The following TPRG1 variants were observed in gnomAD, a reference collection of about 807,000 sequenced individuals.
TPRG1 encodes tumor protein p63 regulated 1, also known as tumor protein p63-regulated gene 1 protein.
Under a neutral mutation model 29.3 loss-of-function variants are expected in TPRG1, and 29 were observed. That is an observed-to-expected ratio of 0.99 (90% CI 0.74 to 1.35). TPRG1 has a LOEUF of 1.35. Ranked by LOEUF, TPRG1 falls within the 40% of genes most tolerant of loss-of-function variation. TPRG1 has a pLI of 0.00. For missense variants in TPRG1, 327 were observed against 335.0 expected, an observed-to-expected ratio of 0.98 and a Z score of 0.19; for synonymous variants, 130 against 116.8, an observed-to-expected ratio of 1.11 and a Z score of -0.73.
chr3:189,018,060 C>G (rs1313874899), intron 3 of TPRG1, among the ~76,000 whole-genome samples: 1 of 152,066 alleles, frequency 6.6e-6, no homozygotes, highest in Non-Finnish European at 1.5e-5. Context: ...GTCCTTTGCC[C>G]ACTTTTTGAT....
intron 3 of TPRG1, among the ~76,000 whole-genome samples, chr3:189,011,235 T>C (rs1374474616): frequency 1.3e-5 from 2 of 152,200 alleles, no homozygotes; most frequent in East Asian, 1.9e-4. Flanking sequence ...ATGATTGCCT[T>C]GTCTAATCGG....
intron 3 of TPRG1, among the ~76,000 whole-genome samples, chr3:189,143,874 G>A (rs1443260532): frequency 6.6e-6 from 1 of 152,130 alleles, no homozygotes; most frequent in Non-Finnish European, 1.5e-5. Context: ...TGGAAGACTG[G>A]GGGCTTGAAG....
intron 1 of TPRG1, among the ~76,000 whole-genome samples, chr3:189,176,061 G>A (rs184793128): frequency 6.6e-6 from 1 of 152,298 alleles, no homozygotes; most frequent in East Asian, 1.9e-4. Flanking sequence ...AGCATTCCAG[G>A]TGGGTGAAGG....
At chr3:189,107,086 T>A (rs949188330) in intron 1 of TPRG1, among the ~76,000 whole-genome samples, 6 of 152,116 alleles carry the variant, frequency 3.9e-5, no homozygotes, top group African/African-American at 1.4e-4. Flanking sequence ...TTAAACAGAA[T>A]TTTACTGTTT....
chr3:189,038,697 G>A (rs1248743186), intron 4 of TPRG1, among the ~76,000 whole-genome samples: 1 of 151,816 alleles, frequency 6.6e-6, no homozygotes. Context: ...GAGACAGACT[G>A]GGGGAAGATA....
intron 4 of TPRG1, among the ~76,000 whole-genome samples, chr3:189,027,563 A>T (rs1399184211): frequency 6.6e-6 from 1 of 152,234 alleles, no homozygotes; most frequent in African/African-American, 2.4e-5. Context: ...TATTGTGATT[A>T]AAATATGGCT....
chr3:189,112,808 G>A (rs113973820), intron 1 of TPRG1, among the ~76,000 whole-genome samples: 3,413 of 152,258 alleles, frequency 0.022, 82 homozygotes, highest in Admixed American at 0.03. Context: ...TTCAGGTAGC[G>A]TGATGCCTCC....
intron 1 of TPRG1, among the ~76,000 whole-genome samples, chr3:189,197,189 G>T (rs991434147): frequency 1.3e-5 from 2 of 152,212 alleles, no homozygotes; most frequent in African/African-American, 4.8e-5. Context: ...CAGGGATTGT[G>T]TTTAGTTTGT....
intron 3 of TPRG1, among the ~76,000 whole-genome samples, chr3:189,017,717 T>C (rs1473652976): frequency 6.6e-6 from 1 of 152,218 alleles, no homozygotes; most frequent in African/African-American, 2.4e-5. Flanking sequence ...TATAGCAGCA[T>C]GATTTATAGT....
At chr3:189,095,058 A>G (rs1421258439) in intron 4 of TPRG1, among the ~76,000 whole-genome samples, 1 of 152,204 alleles carries the variant, frequency 6.6e-6, no homozygotes, top group Non-Finnish European at 1.5e-5. Context: ...TAGGGTACCA[A>G]TGCAATTCTT....
intron 5 of TPRG1, among the ~76,000 whole-genome samples, chr3:189,312,403 A>G (rs1373726623): frequency 1.3e-5 from 2 of 151,584 alleles, no homozygotes; most frequent in African/African-American, 2.4e-5. Context: ...TTTCCCAAAG[A>G]CATTTTCCTG....
At chr3:189,082,280 A>G (rs1405903442) in intron 4 of TPRG1, among the ~76,000 whole-genome samples, 1 of 152,164 alleles carries the variant, frequency 6.6e-6, no homozygotes, top group East Asian at 1.9e-4. Flanking sequence ...ATGATTTTGA[A>G]CAGATCATTC....
intron 5 of TPRG1, among the ~76,000 whole-genome samples, chr3:189,165,670 G>T (rs1728080422): frequency 6.6e-6 from 1 of 152,126 alleles, no homozygotes; most frequent in Non-Finnish European, 1.5e-5. Flanking sequence ...GGAGTCATAA[G>T]CCCTGGACTC....
chr3:189,142,174 G>A (rs535839559), intron 3 of TPRG1, among the ~76,000 whole-genome samples: 85 of 152,262 alleles, frequency 5.6e-4, no homozygotes, highest in African/African-American at 1.6e-3. Context: ...CAGAGGACGC[G>A]TCCAGGTCTG....
intron 3 of TPRG1, among the ~76,000 whole-genome samples, chr3:189,020,070 G>A (rs1713208287): frequency 6.6e-6 from 1 of 152,052 alleles, no homozygotes; most frequent in African/African-American, 2.4e-5. Context: ...TGTGGGATCG[G>A]TGGTGATACC....
At chr3:189,173,359 A>G (rs1729073144) in intron 1 of TPRG1, among the ~76,000 whole-genome samples, 1 of 84,352 alleles carries the variant, frequency 1.2e-5, no homozygotes, top group Admixed American at 1.5e-4. Flanking sequence ...TTTTTTTTTG[A>G]GACAGAGCCT....
At chr3:189,313,606 T>C (rs1033078462) in intron 5 of TPRG1, among the ~76,000 whole-genome samples, 1 of 152,196 alleles carries the variant, frequency 6.6e-6, no homozygotes, top group African/African-American at 2.4e-5. Flanking sequence ...TTAAAATACA[T>C]GAAAATATTC....
At chr3:189,153,206 G>C (rs1371207562) in intron 5 of TPRG1, among the ~76,000 whole-genome samples, 1 of 152,208 alleles carries the variant, frequency 6.6e-6, no homozygotes, top group East Asian at 1.9e-4. Context: ...TCAGTGTGCA[G>C]ATACTGGCTA....
rs556325287 is a variant in TPRG1 at position 189,100,600 on chromosome 3, C to T, written c.-744+396C>T. On this transcript the variant is annotated intron_variant, in intron 1 of 6. Coordinates refer to the TPRG1 transcript ENST00000412373. ...TGTATTACTTTTGCAAATAGTAACT[C>T]GTTTGCTCTCTGTAATGACCCTGAA... Among the ~76,000 whole-genome samples, 16 of 152,270 alleles carry T rather than the reference C, an allele frequency of 1.1e-4. 1 individual carries two copies. Among genetic ancestry groups the T allele is most frequent in the African/African-American group, 3.9e-4 (16 of 41,538 alleles).
Sources: allele counts gnomAD v4.1 joint callset (sites outside exome capture counted in the v4.1 genomes callset), GRCh38; gene constraint gnomAD v4.1.1; transcripts MANE v1.5; gene names NCBI Gene and HGNC (gene_info 2026-07-23, HGNC 2026-07-21).